SDHA: variants seen among roughly 807,000 people sequenced by gnomAD.
SDHA encodes the protein succinate dehydrogenase complex flavoprotein subunit A, also known as succinate dehydrogenase [ubiquinone] flavoprotein subunit, mitochondrial.
A neutral mutation model predicts 78.4 loss-of-function variants in SDHA; 48 were observed. That is an observed-to-expected ratio of 0.61 (90% CI 0.49 to 0.78). The LOEUF (loss-of-function observed/expected upper bound fraction) is 0.78, where lower values mean the gene tolerates loss of function less well. Ranked by LOEUF, SDHA falls within the 30% of genes least tolerant of loss-of-function variation. SDHA has a pLI of 0.00. For missense variants in SDHA, 680 were observed against 892.7 expected (o/e 0.76, Z 3.04); for synonymous variants, 326 against 353.9 (o/e 0.92, Z 0.88).
chr5:262,602 C>G, the SDHA span, among the ~76,000 whole-genome samples: 3 of 152,206 alleles, frequency 2.0e-5, no homozygotes, highest in Admixed American at 6.5e-5. Context: ...CATCCCCACA[C>G]TTGTCCGTGG....
the SDHA span, among the ~76,000 whole-genome samples, chr5:264,601 A>C: frequency 6.6e-6 from 1 of 152,232 alleles, no homozygotes; most frequent in South Asian, 2.1e-4. Flanking sequence ...TGGTGGTGTC[A>C]GAATCAAGTT....
chr5:252,568 G>T (rs12517832), intron 13 of SDHA, among the ~76,000 whole-genome samples: 97,694 of 129,402 alleles, frequency 0.75, 37,110 homozygotes, highest in African/African-American at 0.78. Flanking sequence ...TGCCAGTTTA[G>T]TAACGAGTAA....
At position 233,555 on chromosome 5, in the gene SDHA, G is replaced by A. The variant is rs1735554223; in HGVS notation, c.974G>A (p.Arg325Lys). ...ATTCTCATTAACAGTCAAGGCGAAA[G>A]GTTTATGGAGCGATACGCCCCTGTC... The part of the protein sequence containing the change: ...GGILINSQGE[R>K]FMERYAPVAK... The change falls in exon 8 of 15, where the codon AGG (arginine) becomes AAG (lysine). Residue 325 changes from arginine to lysine, a missense_variant. Transcript: ENST00000264932. The A allele has an allele frequency of 3.7e-6, 6 of 1,614,242 alleles. No homozygotes were observed. The highest frequency in any genetic ancestry group is 5.1e-6 in the Non-Finnish European group (6 of 1,180,038).
chr5:250,015 G>A (rs1736713855), intron 11 of SDHA: 1 of 152,104 alleles, frequency 6.6e-6, no homozygotes, highest in Non-Finnish European at 1.5e-5. Context: ...AAAAAAAATT[G>A]AAAATGCCCT....
At position 256,582 on chromosome 5, in the gene SDHA, C is replaced by T; in HGVS notation, c.*162C>T. 2.9e-6 allele frequency: 2 copies of T among 696,822 alleles called. No homozygotes were observed. The highest frequency in any genetic ancestry group is 4.1e-5 in the Admixed American group (2 of 48,324). The allele number at this position is 696,822 out of a possible 1,614,324, so 43.2% of individuals were successfully genotyped here. ...CTAGTGGCTGGGAGCTTGCCAGGAA[C>T]CCAGTGGCCAGGGAGCGTGGCACTT... is the stretch of plus-strand genomic sequence containing the variant. On this transcript the variant is annotated 3_prime_UTR_variant, in exon 15 of 15. Transcript: ENST00000264932.
At position 240,386 on chromosome 5, in the gene SDHA, C is replaced by A. The variant is rs187540602; in HGVS notation, c.1461C>A (p.Asn487Lys). ...PGDKVPPIKP[N>K]AGEESVMNLD... ...ATAAAGTCCCTCCAATTAAACCAAA[C>A]GCTGGGGAAGAATCTGTCATGAATC... The change falls in exon 11 of 15, where the codon AAC becomes AAA. Residue 487 changes from asparagine to lysine, a missense_variant. Asn to Lys is a moderately conservative substitution (Grantham distance 94). Transcript: ENST00000264932. 1 of 1,608,216 alleles carries A rather than the reference C, an allele frequency of 6.2e-7. No homozygotes were observed. The highest frequency in any genetic ancestry group is 8.5e-7 in the Non-Finnish European group (1 of 1,175,838).
intron 10 of SDHA, among the ~76,000 whole-genome samples, chr5:239,593 G>A (rs1736014142): frequency 6.6e-6 from 1 of 151,576 alleles, no homozygotes; most frequent in African/African-American, 2.4e-5. Flanking sequence ...TTGAAGTATA[G>A]TTGAGAGCAC....
At chr5:264,591 T>G in the SDHA span, among the ~76,000 whole-genome samples, 1 of 152,194 alleles carries the variant, frequency 6.6e-6, no homozygotes, top group Non-Finnish European at 1.5e-5. Context: ...TCCCGGGTGC[T>G]GGTGGTGTCA....
At chr5:223,711 G>A (rs1470218980) in intron 2 of SDHA, 143 bp downstream of exon 2, 2 of 683,604 alleles carry the variant, frequency 2.9e-6, no homozygotes, top group African/African-American at 1.8e-5. Flanking sequence ...ATTATTTTCA[G>A]TGTAATAATA....
intron 13 of SDHA, among the ~76,000 whole-genome samples, chr5:252,140 T>C (rs113414790): frequency 0.098 from 9,815 of 100,264 alleles, 1,027 homozygotes; most frequent in African/African-American, 0.31. Context: ...AGTAAGTCAC[T>C]GTTTCAAACC....
At chr5:253,848 C>A (rs1049360746) in intron 13 of SDHA, among the ~76,000 whole-genome samples, 8 of 152,096 alleles carry the variant, frequency 5.3e-5, no homozygotes, top group African/African-American at 1.9e-4. Flanking sequence ...ATGACTTGAG[C>A]CCCAGAGTTG....
At chr5:234,793 G>A (rs116362673) in intron 8 of SDHA, 33,356 of 347,476 alleles carry the variant, frequency 0.096, 2,116 homozygotes, top group Non-Finnish European at 0.12. Context: ...ATCCGTGGGG[G>A]TCCTGGACCC....
intron 11 of SDHA, among the ~76,000 whole-genome samples, chr5:246,334 A>G (rs1206184735): frequency 1.3e-5 from 2 of 152,086 alleles, no homozygotes; most frequent in Non-Finnish European, 2.9e-5. Context: ...GCAAGGCCAT[A>G]AAGCCCAAGT....
chr5:254,460 A>G lies in SDHA; in HGVS notation c.1862A>G (p.His621Arg), dbSNP rs1737050290. 2 of 1,589,416 alleles carry G rather than the reference A, an allele frequency of 1.3e-6. No homozygotes were observed. The highest frequency in any genetic ancestry group is 1.7e-6 in the Non-Finnish European group (2 of 1,168,076). Residue 621 changes from histidine (H) to arginine (R), a missense_variant, in exon 14 of 15, where the codon CAC (histidine) becomes CGC (arginine). His to Arg is a conservative substitution (Grantham distance 29). Coordinates refer to ENST00000264932, the MANE Select transcript of SDHA (RefSeq NM_004168.4). ...QGQQKKPFEEHWRKHTLSYVD... is the reference protein window; with the variant it reads ...QGQQKKPFEERWRKHTLSYVD... ...CAACAGAAGAAGCCCTTTGAGGAGC[A>G]CTGGAGGAAGCACACCCTGTCCTAT...
intron 11 of SDHA, among the ~76,000 whole-genome samples, chr5:247,638 CAT>C (rs1157053883): frequency 2.6e-5 from 4 of 152,258 alleles, no homozygotes; most frequent in Admixed American, 6.5e-5. Context: ...GGATGTCACA[CAT>C]GTTCCCTCGT....
intron 13 of SDHA, among the ~76,000 whole-genome samples, chr5:252,486 A>G (rs796140928): frequency 1.2e-4 from 13 of 109,240 alleles, no homozygotes; most frequent in African/African-American, 2.1e-4. Context: ...ACCATTTCAA[A>G]CCTGCCCTGT....
At position 225,553 on chromosome 5, in the gene SDHA, C is replaced by T. The variant is rs752187837; in HGVS notation, c.447C>T (p.Ala149=). 33 of 1,613,750 alleles carry T rather than the reference C, an allele frequency of 2.0e-5. No homozygotes were observed. The highest frequency in any genetic ancestry group is 1.0e-4 in the Admixed American group (6 of 59,990). Residue 149 remains alanine (A), a synonymous_variant, in exon 4 of 15, where the codon GCC becomes GCT. Coordinates refer to ENST00000264932, the MANE Select transcript of SDHA (RefSeq NM_004168.4). ...IHYMTEQAPA[A]VVELENYGMP... ...ACATGACGGAGCAGGCCCCCGCCGC[C>T]GTGGTCGAGGTGATGGGCGGGAGGC...
downstream of SDHA, among the ~76,000 whole-genome samples, chr5:258,400 A>C (rs1180465317): frequency 8.2e-6 from 1 of 122,636 alleles, no homozygotes; most frequent in Admixed American, 8.0e-5. Flanking sequence ...CTGCCAGAGC[A>C]TTACCGTTTG....
At chr5:231,267 G>A (rs1735381041) in intron 7 of SDHA, among the ~76,000 whole-genome samples, 1 of 152,090 alleles carries the variant, frequency 6.6e-6, no homozygotes, top group Non-Finnish European at 1.5e-5. Flanking sequence ...CAGCAGTAAA[G>A]CAGGGATTGA....
Sources: gnomAD v4.1 joint callset for allele counts (sites outside exome capture counted in the v4.1 genomes callset) on GRCh38, gnomAD v4.1.1 for gene constraint, MANE v1.5 for transcripts, NCBI Gene and HGNC (gene_info 2026-07-23, HGNC 2026-07-21) for gene names.